Variants in PDE8A observed in about 807,000 individuals in gnomAD.
The protein encoded by PDE8A is high affinity cAMP-specific and IBMX-insensitive 3',5'-cyclic phosphodiesterase 8A.
In PDE8A, 59 loss-of-function variants were observed where a neutral mutation model predicts 105.0. The observed-to-expected ratio is 0.56, with a 90% CI of 0.46 to 0.70. PDE8A has a LOEUF of 0.70. Ranked by LOEUF, PDE8A falls within the 30% of genes least tolerant of loss-of-function variation. PDE8A has a pLI of 0.00. For missense variants in PDE8A, 1,014 were observed against 1,045.9 expected (o/e 0.97, Z 0.42); for synonymous variants, 355 against 371.9 (o/e 0.95, Z 0.52).
intron 1 of PDE8A, among the ~76,000 whole-genome samples, chr15:85,030,821 A>G (rs998780156): frequency 1.3e-5 from 2 of 152,182 alleles, no homozygotes; most frequent in African/African-American, 4.8e-5. Context: ...TCCTTTGGAA[A>G]ACTTTTGTGA....
rs942854172 is a variant in PDE8A, at chr15:85,102,397, G to T, written c.1036+2199G>T. On this transcript the variant is annotated intron_variant, in intron 11 of 21. Transcript: ENST00000394553. ...GACCTGCAGACATGCAGTTTCAGGA[G>T]AATGGCGAGGGCAGAAGCCAGATTG... is the stretch of plus-strand genomic sequence containing the variant. Among the ~76,000 whole-genome samples, 5 of 152,212 alleles carry T rather than the reference G, an allele frequency of 3.3e-5. 1 individual carries two copies. Among genetic ancestry groups the T allele is most frequent in the Non-Finnish European group, 4.4e-5 (3 of 68,036 alleles).
intron 1 of PDE8A, among the ~76,000 whole-genome samples, chr15:85,053,829 C>T (rs542052422): frequency 2.4e-4 from 37 of 152,308 alleles, no homozygotes; most frequent in African/African-American, 8.7e-4. Context: ...TGCCTGATTG[C>T]CCTGGCCAGA....
At chr15:85,088,474 T>C (rs955564678) in intron 6 of PDE8A, among the ~76,000 whole-genome samples, 3 of 152,288 alleles carry the variant, frequency 2.0e-5, no homozygotes, top group African/African-American at 7.2e-5. Flanking sequence ...AATATTCCAT[T>C]GTATGGATAT....
chr15:85,039,426 C>CT (rs1217820711), intron 1 of PDE8A, among the ~76,000 whole-genome samples: 1 of 143,612 alleles, frequency 7.0e-6, no homozygotes, highest in Non-Finnish European at 1.5e-5. Flanking sequence ...GAGATCTTGT[C>CT]TAAAAAAAAA....
intron 3 of PDE8A, among the ~76,000 whole-genome samples, chr15:85,075,583 G>T (rs981836414): frequency 6.6e-6 from 1 of 152,192 alleles, no homozygotes; most frequent in Non-Finnish European, 1.5e-5. Context: ...AACAATGCAG[G>T]TTAACAAAGA....
intron 5 of PDE8A, among the ~76,000 whole-genome samples, chr15:85,079,704 A>G (rs1267993798): frequency 6.6e-6 from 1 of 152,188 alleles, no homozygotes. Flanking sequence ...CCTGAGGTCA[A>G]GAGTTCCAGA....
At chr15:84,981,442 C>T (rs1018023905), upstream of PDE8A, among the ~76,000 whole-genome samples, 3 of 152,194 alleles carry the variant, frequency 2.0e-5, no homozygotes, top group Non-Finnish European at 4.4e-5. Flanking sequence ...GCCGTTTCTG[C>T]GCTTCTCGAC....
chr15:85,053,104 C>T (rs539534318), intron 1 of PDE8A, among the ~76,000 whole-genome samples: 3 of 152,220 alleles, frequency 2.0e-5, no homozygotes, highest in South Asian at 4.1e-4. Flanking sequence ...TTGTTTTTGT[C>T]AGGTTTGTCA....
chr15:85,072,429 T>C (rs947551260), intron 3 of PDE8A, among the ~76,000 whole-genome samples: 5 of 152,234 alleles, frequency 3.3e-5, no homozygotes, highest in Admixed American at 2.0e-4. Context: ...CTCTGATGTG[T>C]AGCTGGGCAT....
In PDE8A at chr15:85,117,757, C is replaced by T. The variant is rs752347816; in HGVS notation, c.1652C>T (p.Ser551Phe). 1.2e-6 allele frequency: 2 copies of T among 1,613,824 alleles called. No individual in the cohort carries two copies. Among genetic ancestry groups the T allele is most frequent in the East Asian group, 2.2e-5 (1 of 44,882 alleles). Residue 551 changes from serine (S) to phenylalanine (F), a missense_variant, in exon 17 of 22, where the codon TCC becomes TTC. Ser to Phe is a radical substitution (Grantham distance 155). Transcript: ENST00000394553. Reference protein sequence around the residue: ...WLQIIEANYHSSNPYHNSTHS... With the variant: ...WLQIIEANYHFSNPYHNSTHS... Reference sequence around the variant, plus strand: ...CAAATTATCGAAGCCAATTATCATTCCTCCAATCCCTACCACAATTCTACA... The same window carrying T: ...CAAATTATCGAAGCCAATTATCATTTCTCCAATCCCTACCACAATTCTACA...
intron 1 of PDE8A, among the ~76,000 whole-genome samples, chr15:85,049,354 T>C (rs995063208): frequency 6.6e-6 from 1 of 152,166 alleles, no homozygotes; most frequent in Non-Finnish European, 1.5e-5. Flanking sequence ...TCCCCATTCT[T>C]CCCTTCCCCT....
chr15:85,008,364 TC>T (rs1567225980), intron 1 of PDE8A, among the ~76,000 whole-genome samples: 1 of 151,980 alleles, frequency 6.6e-6, no homozygotes. Context: ...CCCGTAATAC[TC>T]TGTCAGACCC....
chr15:85,121,037 G>A (rs767411815), intron 18 of PDE8A, 23 bp downstream of exon 18: 7 of 1,420,516 alleles, frequency 4.9e-6, no homozygotes, highest in Admixed American at 1.8e-5. Context: ...ATTGGGAAGT[G>A]TGTTGATCCC....
At chr15:85,124,615 C>T (rs1030130025) in intron 19 of PDE8A, among the ~76,000 whole-genome samples, 2 of 152,222 alleles carry the variant, frequency 1.3e-5, no homozygotes, top group African/African-American at 4.8e-5. Context: ...CCCCATGACA[C>T]TTACTTTGGT....
intron 1 of PDE8A, among the ~76,000 whole-genome samples, chr15:85,014,346 A>G (rs956206754): frequency 2.0e-5 from 3 of 152,160 alleles, no homozygotes; most frequent in Admixed American, 2.0e-4. Flanking sequence ...TAGTGGTGAT[A>G]TGGCGGCAAA....
chr15:85,067,198 T>C lies in PDE8A; in HGVS notation c.428T>C (p.Leu143Pro). 1.2e-6 allele frequency: 2 copies of C among 1,612,486 alleles called. No individual in the cohort carries two copies. Among genetic ancestry groups the C allele is most frequent in the Non-Finnish European group, 1.7e-6 (2 of 1,179,222 alleles). The change falls in exon 3 of 22, where the codon CTG becomes CCG. Residue 143 changes from leucine to proline, a missense_variant. By Grantham distance (98) the Leu-to-Pro change is moderately conservative (BLOSUM62 -3). Coordinates refer to ENST00000394553, the MANE Select transcript of PDE8A (RefSeq NM_002605.3). ...CCTCGACAGCTGGATGCAGAGGCACTGTGCAGGTAAGCCCAAGACTCGGGC... is the reference window on the plus strand; with the variant it reads ...CCTCGACAGCTGGATGCAGAGGCACCGTGCAGGTAAGCCCAAGACTCGGGC... Reference protein sequence around the residue: ...RNPRQLDAEALCRSIRSSKLS... With the variant: ...RNPRQLDAEAPCRSIRSSKLS...
At chr15:85,081,115 G>T (rs2081459047) in intron 5 of PDE8A, among the ~76,000 whole-genome samples, 1 of 152,246 alleles carries the variant, frequency 6.6e-6, no homozygotes, top group Non-Finnish European at 1.5e-5. Context: ...GATTCTCCCA[G>T]TCATGGCTGT....
chr15:85,047,220 A>T (rs2080900641), intron 1 of PDE8A, among the ~76,000 whole-genome samples: 2 of 152,236 alleles, frequency 1.3e-5, no homozygotes. Flanking sequence ...CTGTGACCTG[A>T]AACCTTAGGT....
chr15:85,083,424 TTCA>T, intron 5 of PDE8A, 129 bp from the exon 6 acceptor site: 1 of 596,492 alleles, frequency 1.7e-6, no homozygotes, highest in Non-Finnish European at 3.0e-6. Flanking sequence ...TTACCTTCTG[TTCA>T]TCATTAATGA....
Sources: allele counts gnomAD v4.1 joint callset (sites outside exome capture counted in the v4.1 genomes callset), GRCh38; gene constraint gnomAD v4.1.1; transcripts MANE v1.5; gene names NCBI Gene and HGNC (gene_info 2026-07-23, HGNC 2026-07-21).